The following UPRT variants were observed in gnomAD, a reference collection of about 807,000 sequenced individuals.
UPRT encodes the protein RP11-311P8.3.
Under a neutral mutation model 22.6 loss-of-function variants are expected in UPRT, and 5 were observed. The observed-to-expected ratio is 0.22, with a 90% CI of 0.12 to 0.47. UPRT has a LOEUF of 0.47. Among genes scored for constraint, UPRT ranks in the 20% least tolerant of loss-of-function variants. The pLI is 0.99. For synonymous variants in UPRT, 77 were observed against 87.7 expected, an observed-to-expected ratio of 0.88 and a Z score of 0.68; for missense variants, 181 against 239.9, an observed-to-expected ratio of 0.75 and a Z score of 1.62.
At chrX:75,259,777 G>A (rs140228805) in intron 4 of UPRT, among the ~76,000 whole-genome samples, 256 of 110,738 alleles carry the variant, frequency 2.3e-3, no homozygotes, top group African/African-American at 8.0e-3. Context: ...GATACTCCTC[G>A]AGAAGAGCAA....
chrX:75,276,864 C>G (rs977206120), intron 1 of UPRT, among the ~76,000 whole-genome samples: 1 of 111,471 alleles, frequency 9.0e-6, no homozygotes, highest in Non-Finnish European at 1.9e-5. Context: ...AAACCTCATG[C>G]CCATTAAACA....
chrX:75,185,790 T>C (rs1469040579), intron 4 of UPRT, among the ~76,000 whole-genome samples: 6 of 111,995 alleles, frequency 5.4e-5, no homozygotes, highest in Non-Finnish European at 7.5e-5. Context: ...TTCTTCTAGA[T>C]TTTCTAGTTT....
At chrX:75,214,233 G>T (rs777501504) in intron 4 of UPRT, among the ~76,000 whole-genome samples, 62 of 112,294 alleles carry the variant, frequency 5.5e-4, no homozygotes, top group African/African-American at 1.9e-3. Context: ...AATAACACAC[G>T]AGCCAAAGAG....
At chrX:75,226,060 A>G (rs1227036805) in intron 4 of UPRT, among the ~76,000 whole-genome samples, 4 of 111,740 alleles carry the variant, frequency 3.6e-5, no homozygotes, top group Non-Finnish European at 7.5e-5. Flanking sequence ...CTTCTTTTTT[A>G]TAGTGTATAC....
chrX:75,284,508 C>T (rs1436212051), intron 1 of UPRT, among the ~76,000 whole-genome samples: 2 of 111,715 alleles, frequency 1.8e-5, no homozygotes, highest in East Asian at 5.6e-4. Flanking sequence ...GTAGTACTCT[C>T]CTCCGTTTCC....
intron 4 of UPRT, among the ~76,000 whole-genome samples, chrX:75,238,999 C>T (rs1177504221): frequency 2.7e-5 from 3 of 111,287 alleles, no homozygotes; most frequent in Non-Finnish European, 5.7e-5. Flanking sequence ...TAAATGCCTA[C>T]ATCAAAAAGT....
At chrX:75,265,064 G>C (rs1025416703) in intron 4 of UPRT, among the ~76,000 whole-genome samples, 8 of 111,902 alleles carry the variant, frequency 7.1e-5, no homozygotes, top group African/African-American at 2.6e-4. Context: ...TAGTCTGATG[G>C]GCTTCCCTTT....
chrX:75,160,241 C>A lies in UPRT; in HGVS notation c.-736-309C>A, dbSNP rs150961357. 1.1e-3 allele frequency among the ~76,000 whole-genome samples: 124 copies of A among 111,473 alleles called. No individual in the cohort carries two copies. In the East Asian group the frequency reaches 0.02, roughly 18 times the overall value. ...TTGATTTTCCTCTTCGTTTTCTAAC[C>A]TCTAGACATTTCCTTTGTTTGCTTT... On this transcript the variant is annotated intron_variant, in intron 1 of 13. Coordinates refer to the UPRT transcript ENST00000652605.
At chrX:75,220,254 A>T (rs1352554490) in intron 4 of UPRT, among the ~76,000 whole-genome samples, 1 of 110,857 alleles carries the variant, frequency 9.0e-6, no homozygotes, top group African/African-American at 3.3e-5. Context: ...ATTAGTATAA[A>T]ATATCATTTT....
intron 4 of UPRT, among the ~76,000 whole-genome samples, chrX:75,175,951 C>A (rs2082245185): frequency 1.8e-5 from 2 of 111,141 alleles, no homozygotes; most frequent in Non-Finnish European, 3.8e-5. Context: ...GTTCAGGGCC[C>A]AGGGCTTGCT....
At position 75,215,251 on chromosome X, in the gene UPRT, C is replaced by G. The variant is rs199566748; in HGVS notation, c.-447+47372C>G. Among the ~76,000 whole-genome samples, 8 of 110,254 alleles carry G rather than the reference C, an allele frequency of 7.3e-5. No individual in the cohort carries two copies. In the East Asian group the frequency reaches 1.7e-3, roughly 23 times the overall value. On this transcript the variant is annotated intron_variant, in intron 4 of 13. Coordinates refer to the UPRT transcript ENST00000652605. Reference sequence around the variant, plus strand: ...AGAGGGAAATTTATAGTACTGCATGCACATATGAGAAAAGAAAAAAGACAC... The same window carrying G: ...AGAGGGAAATTTATAGTACTGCATGGACATATGAGAAAAGAAAAAAGACAC...
Position 75,282,231 on chromosome X carries a change from TTA to T in UPRT, c.386+7595_386+7596del, listed in dbSNP as rs1348739147. Among the ~76,000 whole-genome samples the T allele has an allele frequency of 2.8e-4, 8 of 28,801 alleles. No individual in the cohort carries two copies. In the East Asian group the frequency reaches 0.012, roughly 42 times the overall value. 25.0% of individuals were successfully genotyped at this position (28,801 alleles called of 115,157 possible). The stretch of plus-strand genomic sequence containing the variant: ...GAACCAGCTTTTTGTTTCATTTATC[TTA>T]TATTTTTTTTTTTGCTTCAATTTCA... On this transcript the variant is annotated intron_variant, in intron 1 of 6. Coordinates refer to ENST00000373383, the MANE Select transcript of UPRT (RefSeq NM_145052.4).
intron 4 of UPRT, among the ~76,000 whole-genome samples, chrX:75,236,350 T>C (rs1338961247): frequency 9.0e-6 from 1 of 111,590 alleles, no homozygotes; most frequent in African/African-American, 3.3e-5. Context: ...GAAGAATGAA[T>C]ATTGTGAAAA....
intron 4 of UPRT, among the ~76,000 whole-genome samples, chrX:75,241,885 A>C (rs1246229838): frequency 9.0e-6 from 1 of 110,791 alleles, no homozygotes; most frequent in Non-Finnish European, 1.9e-5. Context: ...ATACAAAGGC[A>C]TAAGAATGAT....
intron 4 of UPRT, among the ~76,000 whole-genome samples, chrX:75,264,584 T>C (rs1302559814): frequency 8.9e-6 from 1 of 111,910 alleles, no homozygotes; most frequent in African/African-American, 3.3e-5. Context: ...TGGTAGAACT[T>C]CCTCCATCCC....
chrX:75,202,993 C>T (rs988469246), intron 4 of UPRT, among the ~76,000 whole-genome samples: 5 of 111,707 alleles, frequency 4.5e-5, no homozygotes, highest in African/African-American at 1.6e-4. Context: ...AATTAAAAGA[C>T]TCAGACTGGC....
intron 4 of UPRT, among the ~76,000 whole-genome samples, chrX:75,207,036 G>A (rs775043334): frequency 8.9e-6 from 1 of 112,535 alleles, no homozygotes; most frequent in South Asian, 3.7e-4. Flanking sequence ...TATGGCATTT[G>A]TAGCCTTTTG....
chrX:75,264,507 T>C (rs1257201702), intron 4 of UPRT, among the ~76,000 whole-genome samples: 1 of 111,572 alleles, frequency 9.0e-6, no homozygotes, highest in African/African-American at 3.3e-5. Flanking sequence ...TGATCTTTGT[T>C]GGTTTAAAGT....
chrX:75,207,333 T>TG (rs1275612580), intron 4 of UPRT, among the ~76,000 whole-genome samples: 3 of 112,002 alleles, frequency 2.7e-5, no homozygotes, highest in African/African-American at 9.8e-5. Context: ...AGAGGTATTA[T>TG]GGGGTGAAAG....
Sources: allele counts gnomAD v4.1 joint callset (sites outside exome capture counted in the v4.1 genomes callset), GRCh38; gene constraint gnomAD v4.1.1; transcripts MANE v1.5; gene names NCBI Gene and HGNC (gene_info 2026-07-23, HGNC 2026-07-21).